ZNF75D: variants seen among roughly 807,000 people sequenced by gnomAD.
The protein encoded by ZNF75D is zinc finger protein 75D, also known as zinc finger protein 75.
In ZNF75D, 33 loss-of-function variants were observed where a neutral mutation model predicts 33.3. The observed-to-expected ratio is 0.99, with a 90% CI of 0.75 to 1.32. The LOEUF (loss-of-function observed/expected upper bound fraction) is 1.32, where lower values mean the gene tolerates loss of function less well. ZNF75D is among the 40% of genes most tolerant of loss of function. The pLI, the probability that ZNF75D is intolerant of heterozygous loss-of-function variation, is 0.00. For synonymous variants in ZNF75D, 113 were observed against 130.6 expected (o/e 0.87, Z 0.92); for missense variants, 338 against 367.5 (o/e 0.92, Z 0.66).
chrX:135,297,378 C>T (rs148054550), intron 1 of ZNF75D: 10 of 112,290 alleles, frequency 8.9e-5, no homozygotes, highest in African/African-American at 2.9e-4. Context: ...ATCAGAGCAT[C>T]GTCTTCAGAA....
intron 1 of ZNF75D, among the ~76,000 whole-genome samples, chrX:135,328,202 TAAG>T (rs1346875620): frequency 9.0e-6 from 1 of 110,949 alleles, no homozygotes; most frequent in African/African-American, 3.3e-5. Flanking sequence ...CAGTCTCACA[TAAG>T]AAGGGAGGAA....
chrX:135,250,599 T>C (rs1193566043), intron 3 of ZNF75D, among the ~76,000 whole-genome samples: 3 of 105,787 alleles, frequency 2.8e-5, no homozygotes, highest in Admixed American at 1.0e-4. Context: ...CATGACTCTC[T>C]GCCTTAGGGG....
At chrX:135,275,762 C>T (rs1056892133) in intron 1 of ZNF75D, among the ~76,000 whole-genome samples, 2 of 110,502 alleles carry the variant, frequency 1.8e-5, no homozygotes, top group African/African-American at 6.6e-5. Context: ...TCTTTTGTTC[C>T]ATTTATCTGA....
Position 135,293,759 on chromosome X carries a change from G to A in ZNF75D, c.382C>T (p.Gln128Ter). 3 of 1,187,391 alleles carry A rather than the reference G, an allele frequency of 2.5e-6. No individual in the cohort carries two copies. The highest frequency in any genetic ancestry group is 2.3e-6 in the Non-Finnish European group (2 of 881,911). Residue 128 changes from glutamine to a stop codon, truncating the protein, a stop_gained, in exon 3 of 7, where the codon CAG becomes TAG. Coordinates refer to ENST00000370766, the MANE Select transcript of ZNF75D (RefSeq NM_007131.5). LOFTEE classifies it high-confidence loss of function. ...TTCTTTGTTCCATCAGGCTCCCTCT[G>A]CAAGAATTCCACCAGGACCAGAGCC... ...KQALVLVEFL[Q>*]REPDGTKNEV...
At chrX:135,276,554 T>C (rs1307197569) in intron 1 of ZNF75D, among the ~76,000 whole-genome samples, 1 of 111,593 alleles carries the variant, frequency 9.0e-6, no homozygotes, top group Non-Finnish European at 1.9e-5. Context: ...GTTTGTTACA[T>C]AGGTATACAC....
chrX:135,305,208 A>G (rs2084269655), intron 1 of ZNF75D, among the ~76,000 whole-genome samples: 1 of 111,596 alleles, frequency 9.0e-6, no homozygotes, highest in Admixed American at 9.5e-5. Flanking sequence ...AATTGCCCAC[A>G]CTGGTAACCT....
intron 1 of ZNF75D, among the ~76,000 whole-genome samples, chrX:135,273,392 T>C (rs1197843684): frequency 9.0e-6 from 1 of 111,632 alleles, no homozygotes; most frequent in Non-Finnish European, 1.9e-5. Context: ...TCTTTTCTTA[T>C]GCTAAATTCT....
intron 1 of ZNF75D, among the ~76,000 whole-genome samples, chrX:135,323,522 T>C (rs1556435779): frequency 8.9e-6 from 1 of 111,909 alleles, no homozygotes; most frequent in African/African-American, 3.3e-5. Context: ...CATGGGCACA[T>C]AGATTGCACA....
At chrX:135,263,547 T>C (rs1556415881) in intron 1 of ZNF75D, among the ~76,000 whole-genome samples, 2 of 112,831 alleles carry the variant, frequency 1.8e-5, no homozygotes, top group African/African-American at 6.4e-5. Context: ...CCTAGCCAGG[T>C]TGCTGTTTCG....
intron 1 of ZNF75D, among the ~76,000 whole-genome samples, chrX:135,258,381 A>G (rs997114582): frequency 2.7e-5 from 3 of 110,857 alleles, no homozygotes; most frequent in Non-Finnish European, 5.7e-5. Context: ...ACTGTCTCCC[A>G]CAATGGTTGA....
At chrX:135,275,282 A>T (rs1166116035) in intron 1 of ZNF75D, among the ~76,000 whole-genome samples, 1 of 112,436 alleles carries the variant, frequency 8.9e-6, no homozygotes, top group Non-Finnish European at 1.9e-5. Context: ...ATGAAGCTGG[A>T]TTTAGTGTGG....
chrX:135,339,428 CTCTT>C (rs2084756255), intron 1 of ZNF75D, among the ~76,000 whole-genome samples: 1 of 112,113 alleles, frequency 8.9e-6, no homozygotes, highest in South Asian at 3.7e-4. Flanking sequence ...GGCAGGACCT[CTCTT>C]TCCTAAATAC....
At chrX:135,335,775 C>T (rs1190067320) in intron 1 of ZNF75D, among the ~76,000 whole-genome samples, 1 of 111,746 alleles carries the variant, frequency 8.9e-6, no homozygotes, top group East Asian at 2.8e-4. Flanking sequence ...CAATGATCCA[C>T]CGCAAGTAAA....
Position 135,249,062 on chromosome X carries a change from G to A in ZNF75D, n.1536C>T, listed in dbSNP as rs201681032. ...GTCGGCAAAGGCCAGGTCCACCCTG[G>A]TATGGCTTGCTTCAGTGTCCACAGC... On this transcript the variant is annotated non_coding_transcript_exon_variant, in exon 4 of 4. Transcript: ENST00000494295. 1.7e-3 allele frequency: 540 copies of A among 324,318 alleles called. 14 individuals are homozygous for A. The highest frequency in any genetic ancestry group is 2.3e-3 in the Non-Finnish European group (391 of 166,913). 26.7% of individuals were successfully genotyped at this position (324,318 alleles called of 1,213,427 possible). A position where few individuals can be genotyped will look rare whatever the true frequency, so the allele number is the denominator to read the frequency against.
chrX:135,272,242 C>G (rs2083885686), intron 1 of ZNF75D, among the ~76,000 whole-genome samples: 1 of 102,317 alleles, frequency 9.8e-6, no homozygotes, highest in South Asian at 4.9e-4. Flanking sequence ...TAGGTATTAC[C>G]CCTCTTCTCT....
intron 1 of ZNF75D, among the ~76,000 whole-genome samples, chrX:135,259,565 T>TG (rs1467885277): frequency 7.2e-5 from 8 of 111,572 alleles, no homozygotes; most frequent in Non-Finnish European, 1.5e-4. Context: ...CAATTGTGAA[T>TG]GGGGGTTCAT....
chrX:135,253,822 C>A (rs781949162), intron 2 of ZNF75D, among the ~76,000 whole-genome samples: 3 of 105,880 alleles, frequency 2.8e-5, no homozygotes, highest in East Asian at 5.8e-4. Flanking sequence ...TTCTCCCTAG[C>A]CATTTTGAAG....
At chrX:135,268,605 A>G (rs2148461554) in intron 1 of ZNF75D, among the ~76,000 whole-genome samples, 1 of 111,384 alleles carries the variant, frequency 9.0e-6, no homozygotes, top group East Asian at 2.8e-4. Context: ...AGACAACACA[A>G]AATAATAGAA....
intron 1 of ZNF75D, among the ~76,000 whole-genome samples, chrX:135,314,132 T>C (rs1556430150): frequency 8.9e-6 from 1 of 112,006 alleles, no homozygotes; most frequent in Non-Finnish European, 1.9e-5. Flanking sequence ...GGTTTTGTCA[T>C]ATATAGCGTT....
Sources: allele counts gnomAD v4.1 joint callset (sites outside exome capture counted in the v4.1 genomes callset), GRCh38; gene constraint gnomAD v4.1.1; transcripts MANE v1.5; gene names NCBI Gene and HGNC (gene_info 2026-07-23, HGNC 2026-07-21).